Variants in SUDS3 observed in about 807,000 individuals in gnomAD.
The protein encoded by SUDS3 is SIN3A corepressor complex component SDS3, also known as sin3 histone deacetylase corepressor complex component SDS3.
SUDS3 carries 23 observed loss-of-function variants against 53.5 expected under a neutral mutation model. The ratio of observed to expected loss-of-function variants is 0.43; its 90% CI spans 0.31 to 0.61. The LOEUF (loss-of-function observed/expected upper bound fraction) is 0.61, where lower values mean the gene tolerates loss of function less well. SUDS3 is among the 20% of genes least tolerant of loss of function. SUDS3 has a pLI of 0.10. For synonymous variants in SUDS3, 150 were observed against 148.5 expected, an observed-to-expected ratio of 1.01 and a Z score of -0.08; for missense variants, 291 against 405.9, an observed-to-expected ratio of 0.72 and a Z score of 2.43.
intron 11 of SUDS3, among the ~76,000 whole-genome samples, chr12:118,413,021 G>T (rs1310615024): frequency 4.6e-5 from 7 of 152,198 alleles, no homozygotes; most frequent in Non-Finnish European, 1.0e-4. Flanking sequence ...GTAGCTCTGA[G>T]TGTGTGGATG....
chr12:118,382,212 T>C (rs1191240802), intron 2 of SUDS3, among the ~76,000 whole-genome samples: 1 of 151,482 alleles, frequency 6.6e-6, no homozygotes, highest in African/African-American at 2.4e-5. Context: ...GCTGATTTTT[T>C]TGTTGTTGTA....
intron 10 of SUDS3, among the ~76,000 whole-genome samples, chr12:118,405,978 G>C (rs1426349427): frequency 1.3e-5 from 2 of 152,098 alleles, no homozygotes; most frequent in Admixed American, 1.3e-4. Flanking sequence ...AAAACAAATG[G>C]GATTCAGGCA....
At chr12:118,397,588 C>T (rs2046227480) in intron 6 of SUDS3, among the ~76,000 whole-genome samples, 1 of 152,194 alleles carries the variant, frequency 6.6e-6, no homozygotes, top group Non-Finnish European at 1.5e-5. Flanking sequence ...CTGCTCCCTT[C>T]TGTCTCCTCT....
chr12:118,401,220 C>G (rs145391765), intron 7 of SUDS3, among the ~76,000 whole-genome samples: 1,913 of 152,274 alleles, frequency 0.013, 19 homozygotes, highest in South Asian at 0.019. Flanking sequence ...ATAAAGCAGC[C>G]CTTTAATCAT....
Position 118,416,520 on chromosome 12 carries a change from G to C in SUDS3, c.*2087G>C, listed in dbSNP as rs2046401839. 6.6e-6 allele frequency: 1 copy of C among 152,160 alleles called. No homozygotes were observed. The highest frequency in any genetic ancestry group is 2.1e-4 in the South Asian group (1 of 4,816). 9.4% of individuals were successfully genotyped at this position (152,160 alleles called of 1,614,324 possible). A position where few individuals can be genotyped will look rare whatever the true frequency, so the allele number is the denominator to read the frequency against. On this transcript the variant is annotated 3_prime_UTR_variant, in exon 12 of 12. Transcript: ENST00000543473. ...TAGTCATAGTCTCGACTCCGCCATTGCCTTCTCCTCGGCGTCCTCACAACT... is the reference window on the plus strand; with the variant it reads ...TAGTCATAGTCTCGACTCCGCCATTCCCTTCTCCTCGGCGTCCTCACAACT...
At chr12:118,413,877 A>AT (rs1555268464) in intron 11 of SUDS3, among the ~76,000 whole-genome samples, 1 of 152,178 alleles carries the variant, frequency 6.6e-6, no homozygotes, top group Non-Finnish European at 1.5e-5. Flanking sequence ...CTGCACAACC[A>AT]TTAGCCTTCA....
At chr12:118,406,896 C>G (rs576690699) in intron 10 of SUDS3, among the ~76,000 whole-genome samples, 20 of 136,596 alleles carry the variant, frequency 1.5e-4, no homozygotes, top group Middle Eastern at 7.8e-3. Context: ...CCCATATGAA[C>G]ACTTCATTTT....
intron 10 of SUDS3, 52 bp from the exon 11 acceptor site, chr12:118,411,021 C>T (rs1223308303): frequency 6.8e-7 from 1 of 1,475,170 alleles, no homozygotes; most frequent in Non-Finnish European, 9.3e-7. Flanking sequence ...TTGGTTTTTA[C>T]TTCCTGTCTC....
intron 6 of SUDS3, among the ~76,000 whole-genome samples, chr12:118,392,396 T>C (rs2046175482): frequency 6.6e-6 from 1 of 152,188 alleles, no homozygotes; most frequent in Admixed American, 6.5e-5. Flanking sequence ...CATGATACAC[T>C]TAAGAGAATG....
At chr12:118,402,362 AG>A in intron 9 of SUDS3, 1 of 283,874 alleles carries the variant, frequency 3.5e-6, no homozygotes, top group South Asian at 4.9e-5. Flanking sequence ...TCTAAAGCCA[AG>A]TCCTAGGCAG....
rs1001363630 is a variant in SUDS3, at chr12:118,376,572, C to A, written c.-120C>A. 8 of 1,210,020 alleles carry A rather than the reference C, an allele frequency of 6.6e-6. No homozygotes were observed. In the East Asian group the frequency reaches 1.3e-4, roughly 19 times the overall value. 75.0% of individuals were successfully genotyped at this position (1,210,020 alleles called of 1,614,324 possible). A position where few individuals can be genotyped will look rare whatever the true frequency, so the allele number is the denominator to read the frequency against. On this transcript the variant is annotated 5_prime_UTR_variant, in exon 1 of 12. Coordinates refer to ENST00000543473, the MANE Select transcript of SUDS3 (RefSeq NM_022491.3). ...AGCTCGGCGGAGACGGGGAAGGGGTCGCCGTGGCTGCCGGTCCTCGAGTTG... is the reference window on the plus strand; with the variant it reads ...AGCTCGGCGGAGACGGGGAAGGGGTAGCCGTGGCTGCCGGTCCTCGAGTTG...
chr12:118,391,425 C>A, intron 6 of SUDS3, 143 bp downstream of exon 6: 1 of 929,270 alleles, frequency 1.1e-6, no homozygotes. Flanking sequence ...GTTCCTCCTC[C>A]ACCTTCTATT....
intron 10 of SUDS3, among the ~76,000 whole-genome samples, chr12:118,408,373 AGCCAGG>A (rs1259875062): frequency 6.9e-6 from 1 of 145,864 alleles, no homozygotes; most frequent in Non-Finnish European, 1.5e-5. Context: ...TCGTTCTTCC[AGCCAGG>A]CTGGAGTGCA....
Position 118,383,994 on chromosome 12 carries a change from AC to A in SUDS3, c.213-17del. 2.0e-6 allele frequency: 3 copies of A among 1,504,484 alleles called. No individual in the cohort carries two copies. The South Asian group carries it at 3.5e-5, about 17-fold the overall frequency. The allele number at this position is 1,504,484 out of a possible 1,614,324, so 93.2% of individuals were successfully genotyped here. ...TTGAATGTTTTTATCTGTTAGTGTG[AC>A]TTTTTTTTTTTTATAGGATGTATCA... On this transcript the variant is annotated splice_polypyrimidine_tract_variant and intron_variant, in intron 2 of 11. Coordinates refer to ENST00000543473, the MANE Select transcript of SUDS3 (RefSeq NM_022491.3).
chr12:118,411,704 C>T (rs7968371), intron 11 of SUDS3, among the ~76,000 whole-genome samples: 43,825 of 151,614 alleles, frequency 0.29, 7,708 homozygotes, highest in African/African-American at 0.5. Context: ...GGTTTCACCA[C>T]GTTGGTCAGG....
intron 1 of SUDS3, among the ~76,000 whole-genome samples, chr12:118,377,625 G>A (rs2046013278): frequency 6.6e-6 from 1 of 151,572 alleles, no homozygotes; most frequent in Non-Finnish European, 1.5e-5. Context: ...GAGTCTCAGA[G>A]CCTTGCTTTT....
chr12:118,382,318 G>A (rs898439934), intron 2 of SUDS3, among the ~76,000 whole-genome samples: 1 of 152,050 alleles, frequency 6.6e-6, no homozygotes, highest in African/African-American at 2.4e-5. Context: ...ATCGTGTTGA[G>A]ATTACAGGCC....
Position 118,401,757 on chromosome 12 carries a change from A to G in SUDS3, c.614-2A>G, listed in dbSNP as rs1300091029. Reference sequence around the variant, plus strand: ...CACATACAGTCCTTTAACTCTCAACACCCCAGCTAAACTATTTGTTAACAG... The same window carrying G: ...CACATACAGTCCTTTAACTCTCAACGCCCCAGCTAAACTATTTGTTAACAG... On this transcript the variant is annotated splice_acceptor_variant, in intron 7 of 11. Coordinates refer to ENST00000543473, the MANE Select transcript of SUDS3 (RefSeq NM_022491.3). LOFTEE classifies it high-confidence loss of function. 6.2e-7 allele frequency: 1 copy of G among 1,613,384 alleles called. No homozygotes were observed. The highest frequency in any genetic ancestry group is 8.5e-7 in the Non-Finnish European group (1 of 1,179,438).
At position 118,416,390 on chromosome 12, in the gene SUDS3, C is replaced by G. The variant is rs2046400705; in HGVS notation, c.*1957C>G. On this transcript the variant is annotated 3_prime_UTR_variant, in exon 12 of 12. Transcript: ENST00000543473. ...AAATTGCCTCTTTTTCTGGCCTTCT[C>G]TGTGGGACCTCTGCTTTTGTGAAGC... The G allele has an allele frequency of 6.8e-6, 1 of 146,854 alleles. No homozygotes were observed. The highest frequency in any genetic ancestry group is 2.5e-5 in the African/African-American group (1 of 39,610). 9.1% of individuals were successfully genotyped at this position (146,854 alleles called of 1,614,324 possible).
Sources: gnomAD v4.1 joint callset for allele counts (sites outside exome capture counted in the v4.1 genomes callset) on GRCh38, gnomAD v4.1.1 for gene constraint, MANE v1.5 for transcripts, NCBI Gene and HGNC (gene_info 2026-07-23, HGNC 2026-07-21) for gene names.